Variants in CLINT1 observed in about 807,000 individuals in gnomAD.
The protein encoded by CLINT1 is clathrin interacting protein localized in the trans-Golgi region.
CLINT1 carries 15 observed loss-of-function variants against 70.4 expected under a neutral mutation model. The observed-to-expected ratio is 0.21, with a 90% CI of 0.14 to 0.33. The LOEUF (loss-of-function observed/expected upper bound fraction) is 0.33. CLINT1 is among the 10% of genes least tolerant of loss of function. The pLI, the probability that CLINT1 is intolerant of heterozygous loss-of-function variation, is 1.00. For missense variants in CLINT1, 615 were observed against 778.1 expected (o/e 0.79, Z 2.49); for synonymous variants, 227 against 254.7 (o/e 0.89, Z 1.04).
chr5:157,789,771 T>G, intron 10 of CLINT1: 1 of 561,564 alleles, frequency 1.8e-6, no homozygotes, highest in Non-Finnish European at 3.2e-6. Context: ...AACCAACAAC[T>G]TACCTACACT....
At position 157,834,479 on chromosome 5, in the gene CLINT1, T is replaced by G. The variant is rs1187467538; in HGVS notation, c.42-16932A>C. ...AATTCTTAAATAGCTTCTTTAGGAC[T>G]ATAAAAAAAAGTCCTAATTGAACTG... is the stretch of plus-strand genomic sequence containing the variant. On this transcript the variant is annotated intron_variant, in intron 1 of 11. Transcript: ENST00000411809. 3.9e-5 allele frequency among the ~76,000 whole-genome samples: 6 copies of G among 152,184 alleles called. No individual in the cohort carries two copies. In the East Asian group the frequency reaches 1.2e-3, roughly 29 times the overall value.
intron 8 of CLINT1, among the ~76,000 whole-genome samples, chr5:157,798,296 T>C (rs1762121282): frequency 6.6e-6 from 1 of 152,226 alleles, no homozygotes; most frequent in Admixed American, 6.5e-5. Flanking sequence ...GGAAGACTGC[T>C]AATTTTCACA....
At chr5:157,804,447 T>C (rs1762327046) in intron 7 of CLINT1, among the ~76,000 whole-genome samples, 1 of 152,172 alleles carries the variant, frequency 6.6e-6, no homozygotes, top group African/African-American at 2.4e-5. Context: ...ACTCAATTAT[T>C]AGGCAATGGG....
Position 157,823,357 on chromosome 5 carries a change from T to C in CLINT1, c.42-5810A>G, listed in dbSNP as rs1337947300. Among the ~76,000 whole-genome samples the C allele has an allele frequency of 2.6e-5, 4 of 152,214 alleles. No individual in the cohort carries two copies. In the East Asian group the frequency reaches 7.7e-4, roughly 29 times the overall value. ...TAAAGGCCATTAAAAATATAAGTAC[T>C]GTATCATCATTAGCTACATTTTAAC... On this transcript the variant is annotated intron_variant, in intron 1 of 11. Coordinates refer to ENST00000411809, the MANE Select transcript of CLINT1 (RefSeq NM_014666.4).
chr5:157,847,383 C>T (rs1452830548), intron 1 of CLINT1, among the ~76,000 whole-genome samples: 6 of 152,072 alleles, frequency 3.9e-5, no homozygotes, highest in South Asian at 2.1e-4. Flanking sequence ...TGGTGGTGGG[C>T]GCCTGTAGTC....
intron 1 of CLINT1, among the ~76,000 whole-genome samples, chr5:157,824,951 A>G (rs1762990824): frequency 6.6e-6 from 1 of 152,192 alleles, no homozygotes; most frequent in African/African-American, 2.4e-5. Flanking sequence ...ATTCTCAGTC[A>G]TGGAAATTAC....
At chr5:157,815,418 T>TA (rs1762689706) in intron 3 of CLINT1, among the ~76,000 whole-genome samples, 1 of 152,214 alleles carries the variant, frequency 6.6e-6, no homozygotes, top group African/African-American at 2.4e-5. Context: ...GTTCTGGAAT[T>TA]AGACAGTAGT....
intron 1 of CLINT1, among the ~76,000 whole-genome samples, chr5:157,855,142 G>GA (rs1554103602): frequency 3.9e-4 from 10 of 25,966 alleles, no homozygotes; most frequent in South Asian, 1.5e-3. Context: ...AACTGTCTCC[G>GA]AAAAAAAAAA....
In CLINT1 at chr5:157,785,885, G is replaced by A. The variant is rs905737776; in HGVS notation, c.*1761C>T. The A allele has an allele frequency of 6.6e-6, 1 of 152,188 alleles. No homozygotes were observed. Among genetic ancestry groups the A allele is most frequent in the African/African-American group, 2.4e-5 (1 of 41,454 alleles). The allele number at this position is 152,188 out of a possible 1,614,324, so 9.4% of individuals were successfully genotyped here. A position where few individuals can be genotyped will look rare whatever the true frequency, so the allele number is the denominator to read the frequency against. On this transcript the variant is annotated 3_prime_UTR_variant, in exon 12 of 12. Coordinates refer to ENST00000411809, the MANE Select transcript of CLINT1 (RefSeq NM_014666.4). ...TTCTACTATGCGGCCACCAGAGGCT[G>A]GCTTGATTGCTCTGAAGTAACAACA... is the stretch of plus-strand genomic sequence containing the variant.
At position 157,791,828 on chromosome 5, in the gene CLINT1, T is replaced by C. The variant is rs765121560; in HGVS notation, c.1255A>G (p.Asn419Asp). 3.7e-6 allele frequency: 6 copies of C among 1,613,784 alleles called. No individual in the cohort carries two copies. The Admixed American group carries it at 6.7e-5, about 18-fold the overall frequency. ...ATAAGATCAAACAGGTCTGAAGAAT[T>C]TGAGGCAGCAGGAGGTGGGCCTAGA... Reference protein sequence around the residue: ...SALGPPPAASNSSDLFDLMGS... With the variant: ...SALGPPPAASDSSDLFDLMGS... The change falls in exon 10 of 12, where the codon AAT becomes GAT. Residue 419 changes from asparagine to aspartate, a missense_variant. Asn to Asp is a conservative substitution (Grantham distance 23, BLOSUM62 1). Coordinates refer to ENST00000411809, the MANE Select transcript of CLINT1 (RefSeq NM_014666.4).
At chr5:157,852,441 A>G (rs1032984822) in intron 1 of CLINT1, among the ~76,000 whole-genome samples, 8 of 152,240 alleles carry the variant, frequency 5.3e-5, no homozygotes, top group Admixed American at 3.3e-4. Context: ...GGATGAAGAT[A>G]TAGTTCCTAC....
intron 1 of CLINT1, among the ~76,000 whole-genome samples, chr5:157,856,085 TC>T (rs1256687114): frequency 6.6e-6 from 1 of 152,240 alleles, no homozygotes; most frequent in South Asian, 2.1e-4. Context: ...GTCCTAGTCT[TC>T]CTGAGTCATG....
chr5:157,855,444 G>A (rs1174192806), intron 1 of CLINT1, among the ~76,000 whole-genome samples: 2 of 152,122 alleles, frequency 1.3e-5, no homozygotes, highest in African/African-American at 4.8e-5. Flanking sequence ...CTAGTTGGTG[G>A]GAATGGTGCC....
At chr5:157,819,766 T>C (rs564784692) in intron 1 of CLINT1, among the ~76,000 whole-genome samples, 1 of 152,350 alleles carries the variant, frequency 6.6e-6, no homozygotes, top group Admixed American at 6.5e-5. Flanking sequence ...TTGCATTGTT[T>C]AATTTGTTGG....
chr5:157,795,825 T>C (rs918541550), intron 8 of CLINT1: 4 of 152,216 alleles, frequency 2.6e-5, no homozygotes, highest in Admixed American at 2.0e-4. Context: ...GCCCAGGAGT[T>C]GAGAGATCAG....
At chr5:157,826,178 G>C (rs1001709379) in intron 1 of CLINT1, among the ~76,000 whole-genome samples, 4 of 152,078 alleles carry the variant, frequency 2.6e-5, no homozygotes, top group Non-Finnish European at 5.9e-5. Flanking sequence ...ACCCTTGTGT[G>C]TATCTTCAAA....
At chr5:157,809,888 TC>T in intron 5 of CLINT1, 83 bp from the exon 6 acceptor site, 1 of 1,317,382 alleles carries the variant, frequency 7.6e-7, no homozygotes, top group Non-Finnish European at 1.0e-6. Flanking sequence ...CTCAGGCTTT[TC>T]CTCATAATAA....
chr5:157,858,495 T>C (rs770336525), intron 1 of CLINT1, among the ~76,000 whole-genome samples: 21 of 152,206 alleles, frequency 1.4e-4, no homozygotes, highest in Admixed American at 8.5e-4. Flanking sequence ...CTCTCCGTAC[T>C]ACACCTTGAG....
intron 8 of CLINT1, among the ~76,000 whole-genome samples, chr5:157,801,642 G>A (rs1762225826): frequency 6.6e-6 from 1 of 151,910 alleles, no homozygotes. Flanking sequence ...AGACCAGCCT[G>A]GCCAACACAG....
Sources: allele counts gnomAD v4.1 joint callset (sites outside exome capture counted in the v4.1 genomes callset), GRCh38; gene constraint gnomAD v4.1.1; transcripts MANE v1.5; gene names NCBI Gene and HGNC (gene_info 2026-07-23, HGNC 2026-07-21).